Variants in CREB3L4 observed in about 807,000 individuals in gnomAD.
CREB3L4 encodes the protein cAMP responsive element binding protein 3 like 4.
CREB3L4 carries 28 observed loss-of-function variants against 37.0 expected under a neutral mutation model. The observed-to-expected ratio is 0.76, with a 90% CI of 0.56 to 1.04. CREB3L4 has a LOEUF of 1.04. Among genes scored for constraint, CREB3L4 ranks in the 50% least tolerant of loss-of-function variants. CREB3L4 has a pLI of 0.00. For missense variants in CREB3L4, 462 were observed against 486.0 expected (o/e 0.95, Z 0.46); for synonymous variants, 175 against 192.2 (o/e 0.91, Z 0.74).
intron 4 of CREB3L4, 133 bp from the exon 5 acceptor site, chr1:153,972,611 C>T: frequency 1.5e-6 from 1 of 661,720 alleles, no homozygotes; most frequent in Non-Finnish European, 2.6e-6. Flanking sequence ...CCCCTCACCT[C>T]ACCTCTAGAT....
intron 4 of CREB3L4, among the ~76,000 whole-genome samples, chr1:153,971,508 A>G (rs868275768): frequency 2.0e-4 from 31 of 151,498 alleles, no homozygotes; most frequent in African/African-American, 7.0e-4. Flanking sequence ...GCCTCAAGCA[A>G]TCCTCCTGTC....
Position 153,973,042 on chromosome 1 carries a change from G to A in CREB3L4, c.707G>A (p.Arg236Gln), listed in dbSNP as rs1194049901. The A allele has an allele frequency of 9.3e-6, 15 of 1,614,014 alleles. No individual in the cohort carries two copies. Among genetic ancestry groups the A allele is most frequent in the Admixed American group, 1.7e-5 (1 of 59,992 alleles). Residue 236 changes from arginine to glutamine, a missense_variant, in exon 6 of 10, where the codon CGG (arginine) becomes CAG (glutamine). By Grantham distance (43) the Arg-to-Gln change is conservative. Transcript: ENST00000368607. The part of the protein sequence containing the change: ...RNKQSAQDSR[R>Q]RKKEYIDGLE... The stretch of plus-strand genomic sequence containing the variant: ...AAGCAGTCAGCTCAGGACAGTCGGC[G>A]GCGGAAGAAGGAGTACATTGATGGG...
intron 4 of CREB3L4, among the ~76,000 whole-genome samples, chr1:153,970,905 T>C (rs528789865): frequency 6.6e-5 from 10 of 150,382 alleles, no homozygotes; most frequent in South Asian, 6.3e-4. Flanking sequence ...CCTCCAAGCC[T>C]GGCTAATTTT....
At chr1:153,967,668 G>GAA, upstream of CREB3L4, 1 of 150,538 alleles carries the variant, frequency 6.6e-6, no homozygotes, top group Non-Finnish European at 1.5e-5. Flanking sequence ...TAAGAATAAA[G>GAA]AAAAAAAAAA....
intron 4 of CREB3L4, chr1:153,969,831 G>A (rs1648171260): frequency 4.4e-6 from 1 of 225,172 alleles, no homozygotes; most frequent in South Asian, 6.3e-5. Flanking sequence ...GCTCAGGCTG[G>A]TCTTAATCTC....
Position 153,974,211 on chromosome 1 carries a change from T to G in CREB3L4, c.*146T>G, listed in dbSNP as rs1648693002. 1 of 681,124 alleles carries G rather than the reference T, an allele frequency of 1.5e-6. No individual in the cohort carries two copies. The highest frequency in any genetic ancestry group is 2.7e-5 in the East Asian group (1 of 36,542). 42.2% of individuals were successfully genotyped at this position (681,124 alleles called of 1,614,324 possible). On this transcript the variant is annotated 3_prime_UTR_variant, in exon 10 of 10. Coordinates refer to ENST00000368607, the MANE Select transcript of CREB3L4 (RefSeq NM_001255978.2). ...GGACACCCCAAGAGATGTCCTTTAGTCTCTGCCTGAGGCCTAGTCTGCATT... is the reference window on the plus strand; with the variant it reads ...GGACACCCCAAGAGATGTCCTTTAGGCTCTGCCTGAGGCCTAGTCTGCATT...
chr1:153,969,114 G>A lies in CREB3L4; in HGVS notation c.359G>A (p.Gly120Glu). The stretch of plus-strand genomic sequence containing the variant: ...CTCTATGAGGTTGTCTATGAGGCAG[G>A]GGCCCTGGAGAGGATGCAGGGGGAA... The part of the protein sequence containing the change: ...PMLYEVVYEA[G>E]ALERMQGETG... Residue 120 changes from glycine to glutamate, a missense_variant, in exon 3 of 10, where the codon GGG (glycine) becomes GAG (glutamate). Coordinates refer to ENST00000368607, the MANE Select transcript of CREB3L4 (RefSeq NM_001255978.2). 1 of 1,614,194 alleles carries A rather than the reference G, an allele frequency of 6.2e-7. No homozygotes were observed. The highest frequency in any genetic ancestry group is 8.5e-7 in the Non-Finnish European group (1 of 1,180,034).
rs1648676848 is a variant in CREB3L4 at position 153,974,010 on chromosome 1, G to A, written c.1133G>A (p.Gly378Glu). The A allele has an allele frequency of 3.1e-6, 5 of 1,614,010 alleles. No individual in the cohort carries two copies. Among genetic ancestry groups the A allele is most frequent in the Non-Finnish European group, 4.2e-6 (5 of 1,180,024 alleles). Residue 378 changes from glycine to glutamate, a missense_variant, in exon 10 of 10, where the codon GGG becomes GAG. Coordinates refer to ENST00000368607, the MANE Select transcript of CREB3L4 (RefSeq NM_001255978.2). ...AGGACACTGCTTGAGAAGATGGGAG[G>A]GAAGCCAAGACCCAGTGGGCGCATC... ...STRTLLEKMG[G>E]KPRPSGRIRS...
chr1:153,974,149 A>C lies in CREB3L4; in HGVS notation c.*84A>C. ...GGCTTTGCTTCCCACTGGGATTCCT[A>C]CTTAGGTGTCTGCCCTCAGGGGTCC... On this transcript the variant is annotated 3_prime_UTR_variant, in exon 10 of 10. Transcript: ENST00000368607. 1 of 1,351,874 alleles carries C rather than the reference A, an allele frequency of 7.4e-7. No homozygotes were observed. The highest frequency in any genetic ancestry group is 1.4e-5 in the South Asian group (1 of 73,818). 83.7% of individuals were successfully genotyped at this position (1,351,874 alleles called of 1,614,324 possible).
intron 4 of CREB3L4, among the ~76,000 whole-genome samples, chr1:153,971,427 G>A (rs1359702175): frequency 6.6e-6 from 1 of 151,618 alleles, no homozygotes; most frequent in Non-Finnish European, 1.5e-5. Context: ...CATGGTGTTT[G>A]TAAATGCTTT....
chr1:153,972,311 C>T (rs1314385647), intron 4 of CREB3L4, among the ~76,000 whole-genome samples: 1 of 152,168 alleles, frequency 6.6e-6, no homozygotes, highest in Non-Finnish European at 1.5e-5. Flanking sequence ...AGGGAGCTCC[C>T]TGAGGTTGAC....
At position 153,973,389 on chromosome 1, in the gene CREB3L4, A is replaced by C; in HGVS notation, c.822A>C (p.Val274=). The change falls in exon 8 of 10, where the codon GTA becomes GTC. Residue 274 remains valine (V), a synonymous_variant. Coordinates refer to ENST00000368607, the MANE Select transcript of CREB3L4 (RefSeq NM_001255978.2). ...QELERHNISL[V]AQLRQLQTLI... is the part of the protein sequence containing the mutation. ...ATTCCTCCTTTCCCAGCTCCTTGGT[A>C]GCTCAGCTCCGCCAGCTGCAGACGC... 1 of 1,614,092 alleles carries C rather than the reference A, an allele frequency of 6.2e-7. No individual in the cohort carries two copies. Among genetic ancestry groups the C allele is most frequent in the Non-Finnish European group, 8.5e-7 (1 of 1,180,026 alleles).
At chr1:153,973,808 T>C (rs763248772) in intron 9 of CREB3L4, 64 bp from the exon 10 acceptor site, 66 of 1,570,564 alleles carry the variant, frequency 4.2e-5, no homozygotes, top group Non-Finnish European at 5.3e-5. Context: ...GGAGGTCCTG[T>C]CCTGTCTAGG....
Position 153,973,657 on chromosome 1 carries a change from G to A in CREB3L4, c.935G>A (p.Ser312Asn), listed in dbSNP as rs774725271. 1.2e-6 allele frequency: 2 copies of A among 1,611,500 alleles called. No homozygotes were observed. Among genetic ancestry groups the A allele is most frequent in the Admixed American group, 3.4e-5 (2 of 59,660 alleles). The change falls in exon 9 of 10, where the codon AGC becomes AAC. Residue 312 changes from serine to asparagine, a missense_variant. Transcript: ENST00000368607. ...TCCCTGGCTCTCATCATCCTGCCCA[G>A]CTTCAGTCCATTCCAGAGTCGACCA... ...LFSLALIILP[S>N]FSPFQSRPEA...
chr1:153,972,709 A>C, intron 4 of CREB3L4, 35 bp from the exon 5 acceptor site: 1 of 1,563,968 alleles, frequency 6.4e-7, no homozygotes, highest in Non-Finnish European at 8.8e-7. Context: ...CCCCCTCCTC[A>C]CTCCTATTGC....
At position 153,972,639 on chromosome 1, in the gene CREB3L4, G is replaced by T. The variant is rs1044278948; in HGVS notation, c.544-105G>T. The T allele has an allele frequency of 3.1e-4, 260 of 830,218 alleles. 1 individual carries two copies. The African/African-American group carries it at 3.5e-3, about 11-fold the overall frequency. The allele number at this position is 830,218 out of a possible 1,614,324, so 51.4% of individuals were successfully genotyped here. A position where few individuals can be genotyped will look rare whatever the true frequency, so the allele number is the denominator to read the frequency against. ...CTCTAGATTAAAGTTGTCTCCCAGT[G>T]AGGAAACACTCTCCAGAAGGCATGT... On this transcript the variant is annotated intron_variant, in intron 4 of 9. Coordinates refer to ENST00000368607, the MANE Select transcript of CREB3L4 (RefSeq NM_001255978.2).
intron 4 of CREB3L4, among the ~76,000 whole-genome samples, chr1:153,971,592 T>C (rs1191108339): frequency 6.7e-5 from 10 of 148,442 alleles, no homozygotes; most frequent in African/African-American, 1.2e-4. Context: ...TTTTTCTTTT[T>C]TTTTTTTTTT....
chr1:153,970,112 A>G (rs1469281720), intron 4 of CREB3L4, among the ~76,000 whole-genome samples: 1 of 151,936 alleles, frequency 6.6e-6, no homozygotes, highest in Non-Finnish European at 1.5e-5. Context: ...TATTTTTAGT[A>G]GAGACGGGTT....
chr1:153,968,455 C>T (rs988749840), intron 1 of CREB3L4, 67 bp from the exon 2 acceptor site: 2 of 1,473,330 alleles, frequency 1.4e-6, no homozygotes, highest in South Asian at 1.2e-5. Flanking sequence ...AGCCCAGAAA[C>T]TGTAGGGGGT....
Sources: allele counts gnomAD v4.1 joint callset (sites outside exome capture counted in the v4.1 genomes callset), GRCh38; gene constraint gnomAD v4.1.1; transcripts MANE v1.5; gene names NCBI Gene and HGNC (gene_info 2026-07-23, HGNC 2026-07-21).